PTPN11: variants seen among roughly 807,000 people sequenced by gnomAD.
The protein encoded by PTPN11 is tyrosine-protein phosphatase non-receptor type 11.
In PTPN11, 6 loss-of-function variants were observed where a neutral mutation model predicts 78.8. That is an observed-to-expected ratio of 0.08 (90% CI 0.04 to 0.15). The LOEUF is 0.15. Among genes scored for constraint, PTPN11 ranks in the 10% least tolerant of loss-of-function variants. The probability of loss-of-function intolerance (pLI) is 1.00; values close to 1 mark genes in which losing one functional copy is unlikely to be tolerated. For missense variants in PTPN11, 386 were observed against 744.8 expected (o/e 0.52, Z 5.61); for synonymous variants, 221 against 263.5 (o/e 0.84, Z 1.56).
intron 13 of PTPN11, among the ~76,000 whole-genome samples, chr12:112,499,046 G>A (rs964147654): frequency 9.9e-5 from 15 of 152,216 alleles, no homozygotes; most frequent in African/African-American, 3.4e-4. Flanking sequence ...TGAGTAGGGA[G>A]GGGGAAATAG....
At chr12:112,432,502 C>G (rs1411360569) in intron 1 of PTPN11, among the ~76,000 whole-genome samples, 1 of 151,764 alleles carries the variant, frequency 6.6e-6, no homozygotes, top group Non-Finnish European at 1.5e-5. Context: ...CCTGTCTCTG[C>G]TAAAAACATA....
At chr12:112,423,564 G>A (rs1468493086) in intron 1 of PTPN11, among the ~76,000 whole-genome samples, 1 of 151,818 alleles carries the variant, frequency 6.6e-6, no homozygotes, top group Non-Finnish European at 1.5e-5. Context: ...GGGATTATAG[G>A]CATGAGCTAC....
intron 6 of PTPN11, among the ~76,000 whole-genome samples, chr12:112,468,137 T>C (rs566345203): frequency 4.7e-4 from 71 of 152,270 alleles, no homozygotes; most frequent in African/African-American, 1.7e-3. Context: ...GTGTCCCTGC[T>C]TTACATTATC....
At chr12:112,427,904 C>G (rs541750654) in intron 1 of PTPN11, among the ~76,000 whole-genome samples, 6 of 152,110 alleles carry the variant, frequency 3.9e-5, no homozygotes, top group Non-Finnish European at 7.3e-5. Context: ...GTGCGTACAA[C>G]TATGCCCAGT....
At chr12:112,456,398 A>G (rs1179610863) in intron 6 of PTPN11, among the ~76,000 whole-genome samples, 1 of 152,028 alleles carries the variant, frequency 6.6e-6, no homozygotes, top group Non-Finnish European at 1.5e-5. Context: ...GTCTTTAGAA[A>G]CAATCTATAG....
chr12:112,502,519 A>C (rs575680594), intron 14 of PTPN11, among the ~76,000 whole-genome samples: 1 of 152,246 alleles, frequency 6.6e-6, no homozygotes, highest in Admixed American at 6.5e-5. Flanking sequence ...GCCGAGGTTC[A>C]TGGATTACTT....
chr12:112,478,534 G>A (rs1354716178), intron 9 of PTPN11, among the ~76,000 whole-genome samples: 1 of 152,022 alleles, frequency 6.6e-6, no homozygotes, highest in Non-Finnish European at 1.5e-5. Flanking sequence ...TTCTCCCCGT[G>A]TTTCATTTCG....
intron 5 of PTPN11, among the ~76,000 whole-genome samples, chr12:112,455,611 C>T (rs960073925): frequency 1.3e-5 from 2 of 152,122 alleles, no homozygotes; most frequent in Non-Finnish European, 2.9e-5. Flanking sequence ...CTCACTTATT[C>T]ACTTTGGCAT....
intron 6 of PTPN11, among the ~76,000 whole-genome samples, chr12:112,465,461 G>C (rs1197314786): frequency 2.0e-5 from 3 of 151,616 alleles, no homozygotes; most frequent in Non-Finnish European, 4.4e-5. Context: ...CTCTGTGCCT[G>C]CTGCTCCCTG....
At chr12:112,481,409 A>C (rs149591944) in intron 9 of PTPN11, among the ~76,000 whole-genome samples, 1 of 152,262 alleles carries the variant, frequency 6.6e-6, no homozygotes, top group African/African-American at 2.4e-5. Context: ...CTCCTTTGAC[A>C]TGTGCTTGGA....
In PTPN11 at chr12:112,431,078, G is replaced by C. The variant is rs138909068; in HGVS notation, c.14+11953G>C. ...TCTGCCTCTTCCTCTTGAGTACGTGGAGTTGGAGTCATCCTTGACAGCCTC... is the reference window on the plus strand; with the variant it reads ...TCTGCCTCTTCCTCTTGAGTACGTGCAGTTGGAGTCATCCTTGACAGCCTC... On this transcript the variant is annotated intron_variant, in intron 1 of 15. Coordinates refer to ENST00000351677, the MANE Select transcript of PTPN11 (RefSeq NM_002834.5). Among the ~76,000 whole-genome samples the C allele has an allele frequency of 1.4e-3, 218 of 152,360 alleles. 1 individual carries two copies. The highest frequency in any genetic ancestry group is 2.6e-3 in the Non-Finnish European group (177 of 68,038).
chr12:112,508,269 C>T lies in PTPN11; in HGVS notation c.*2477C>T, dbSNP rs2038960382. 1 of 152,550 alleles carries T rather than the reference C, an allele frequency of 6.6e-6. No individual in the cohort carries two copies. The highest frequency in any genetic ancestry group is 1.5e-5 in the Non-Finnish European group (1 of 68,016). The allele number at this position is 152,550 out of a possible 1,614,324, so 9.4% of individuals were successfully genotyped here. On this transcript the variant is annotated 3_prime_UTR_variant, in exon 16 of 16. Transcript: ENST00000351677. ...GTTCTTATGTAAACTTAGGCCAAGG[C>T]CAGAGTTATCATAGTCCCTAGGTTG...
intron 2 of PTPN11, among the ~76,000 whole-genome samples, chr12:112,447,319 A>G (rs2038008973): frequency 6.6e-6 from 1 of 152,158 alleles, no homozygotes; most frequent in Non-Finnish European, 1.5e-5. Flanking sequence ...AGAGGAAACC[A>G]CCAAGAGGTT....
intron 1 of PTPN11, among the ~76,000 whole-genome samples, chr12:112,432,381 A>G (rs1318638174): frequency 6.6e-6 from 1 of 152,162 alleles, no homozygotes; most frequent in African/African-American, 2.4e-5. Context: ...TAAGAATATA[A>G]TGGGCTGGGT....
Position 112,418,976 on chromosome 12 carries a change from G to C in PTPN11, c.-136G>C. 1 of 1,064,968 alleles carries C rather than the reference G, an allele frequency of 9.4e-7. No individual in the cohort carries two copies. The highest frequency in any genetic ancestry group is 1.4e-6 in the Non-Finnish European group (1 of 729,090). The allele number at this position is 1,064,968 out of a possible 1,614,324, so 66.0% of individuals were successfully genotyped here. ...TCCGGGATCCCCAGGCCTGGAGGGG[G>C]GTCTGTGCGCGGCCGGCTGGCTCTG... is the stretch of plus-strand genomic sequence containing the variant. On this transcript the variant is annotated 5_prime_UTR_variant, in exon 1 of 16. Coordinates refer to ENST00000351677, the MANE Select transcript of PTPN11 (RefSeq NM_002834.5).
intron 6 of PTPN11, among the ~76,000 whole-genome samples, chr12:112,467,119 T>C (rs1205438459): frequency 6.6e-6 from 1 of 152,048 alleles, no homozygotes; most frequent in Non-Finnish European, 1.5e-5. Context: ...TACATTTACA[T>C]AAGGGAGACA....
intron 9 of PTPN11, among the ~76,000 whole-genome samples, 162 bp from the exon 10 acceptor site, chr12:112,481,912 T>C (rs2135906472): frequency 6.6e-6 from 1 of 152,372 alleles, no homozygotes; most frequent in Middle Eastern, 3.4e-3. Flanking sequence ...GCTTTTCTTA[T>C]TTGAACTCTT....
intron 3 of PTPN11, among the ~76,000 whole-genome samples, chr12:112,450,864 G>T (rs977863639): frequency 2.6e-5 from 4 of 152,176 alleles, no homozygotes; most frequent in Non-Finnish European, 2.9e-5. Context: ...CAAAATAGCA[G>T]CAGTTTTCTA....
rs538723036 is a variant in PTPN11 at position 112,499,430 on chromosome 12, C to T, written c.1600-2714C>T. 2.7e-3 allele frequency among the ~76,000 whole-genome samples: 405 copies of T among 152,088 alleles called. 5 individuals carry two copies. The highest frequency in any genetic ancestry group is 9.1e-3 in the African/African-American group (377 of 41,498). ...TCTTGGCTCACTGCGACCTCTATCT[C>T]CCAGGTTCAAGTGTTTCTGCTGCTT... On this transcript the variant is annotated intron_variant, in intron 13 of 15. Transcript: ENST00000351677.
Sources: allele counts gnomAD v4.1 joint callset (sites outside exome capture counted in the v4.1 genomes callset), GRCh38; gene constraint gnomAD v4.1.1; transcripts MANE v1.5; gene names NCBI Gene and HGNC (gene_info 2026-07-23, HGNC 2026-07-21).